The following CCSER1 variants were observed in gnomAD, a reference collection of about 807,000 sequenced individuals.
CCSER1 encodes the protein serine-rich coiled-coil domain-containing protein 1.
A neutral mutation model predicts 82.0 loss-of-function variants in CCSER1; 41 were observed. The ratio of observed to expected loss-of-function variants is 0.50; its 90% CI spans 0.39 to 0.65. The LOEUF (loss-of-function observed/expected upper bound fraction) is 0.65, where lower values mean the gene tolerates loss of function less well. CCSER1 is among the 30% of genes least tolerant of loss of function. The pLI, the probability that CCSER1 is intolerant of heterozygous loss-of-function variation, is 0.00. For synonymous variants in CCSER1, 414 were observed against 383.9 expected (o/e 1.08, Z -0.92); for missense variants, 1,119 against 1,064.2 (o/e 1.05, Z -0.72).
intron 1 of CCSER1, among the ~76,000 whole-genome samples, chr4:90,151,977 C>T (rs968012077): frequency 3.3e-5 from 5 of 152,070 alleles, no homozygotes; most frequent in Non-Finnish European, 7.4e-5. Flanking sequence ...AGATTATCTC[C>T]AGCTCTATTA....
chr4:90,644,523 A>G (rs1727141246), intron 6 of CCSER1, among the ~76,000 whole-genome samples: 1 of 152,018 alleles, frequency 6.6e-6, no homozygotes, highest in South Asian at 2.1e-4. Context: ...GGTTTGTTAC[A>G]TAGATAAACG....
intron 10 of CCSER1, among the ~76,000 whole-genome samples, chr4:91,524,930 A>G (rs1222991229): frequency 6.6e-6 from 1 of 152,138 alleles, no homozygotes; most frequent in Non-Finnish European, 1.5e-5. Flanking sequence ...GTGTTTCTTG[A>G]CAGAATACAT....
At chr4:90,924,804 G>A (rs1408325542) in intron 9 of CCSER1, among the ~76,000 whole-genome samples, 2 of 152,090 alleles carry the variant, frequency 1.3e-5, no homozygotes, top group Non-Finnish European at 2.9e-5. Flanking sequence ...TCGGCTCACT[G>A]CAACCTCCGC....
intron 9 of CCSER1, among the ~76,000 whole-genome samples, chr4:90,974,860 A>G (rs1188831623): frequency 1.3e-5 from 2 of 151,446 alleles, no homozygotes; most frequent in African/African-American, 2.4e-5. Flanking sequence ...CCAGTTCCAC[A>G]CTTCAGTGTA....
At chr4:91,203,686 G>A (rs964644866) in intron 10 of CCSER1, among the ~76,000 whole-genome samples, 1 of 151,724 alleles carries the variant, frequency 6.6e-6, no homozygotes, top group African/African-American at 2.4e-5. Context: ...CAAGTTTCTG[G>A]GTGGAAGAGT....
chr4:91,459,868 C>A (rs773623706), intron 10 of CCSER1, among the ~76,000 whole-genome samples: 30 of 152,070 alleles, frequency 2.0e-4, no homozygotes, highest in Admixed American at 1.3e-4. Flanking sequence ...TTATTTTACA[C>A]CTGAATATAA....
intron 9 of CCSER1, among the ~76,000 whole-genome samples, chr4:91,006,042 C>T (rs941709946): frequency 6.6e-6 from 1 of 152,108 alleles, no homozygotes; most frequent in Non-Finnish European, 1.5e-5. Flanking sequence ...CTCATGATTG[C>T]GTTGACTACT....
intron 8 of CCSER1, among the ~76,000 whole-genome samples, chr4:90,898,811 G>A (rs979514840): frequency 1.3e-5 from 2 of 151,576 alleles, no homozygotes; most frequent in Admixed American, 1.3e-4. Context: ...CTATGTGTCT[G>A]TTTATGTATT....
intron 3 of CCSER1, among the ~76,000 whole-genome samples, chr4:90,386,934 A>G (rs1750152911): frequency 6.6e-6 from 1 of 152,164 alleles, no homozygotes; most frequent in African/African-American, 2.4e-5. Flanking sequence ...AGTAGCTGAA[A>G]TGATCTGTTC....
At chr4:91,230,393 T>A (rs949509922) in intron 10 of CCSER1, among the ~76,000 whole-genome samples, 1 of 151,982 alleles carries the variant, frequency 6.6e-6, no homozygotes, top group African/African-American at 2.4e-5. Flanking sequence ...AGATAAAATA[T>A]AAGGGTTGAT....
At chr4:90,738,606 C>T (rs1213002117) in intron 7 of CCSER1, among the ~76,000 whole-genome samples, 2 of 152,102 alleles carry the variant, frequency 1.3e-5, no homozygotes, top group Non-Finnish European at 2.9e-5. Context: ...CCACTGTGAC[C>T]TCCCAAGGCC....
chr4:90,939,046 C>G (rs1295498508), intron 9 of CCSER1, among the ~76,000 whole-genome samples: 2 of 152,096 alleles, frequency 1.3e-5, no homozygotes, highest in Non-Finnish European at 2.9e-5. Context: ...TTTTTGTTCA[C>G]TCTTCTCATC....
At chr4:91,335,012 T>TA (rs145706505) in intron 10 of CCSER1, among the ~76,000 whole-genome samples, 8,732 of 152,200 alleles carry the variant, frequency 0.057, 311 homozygotes, top group South Asian at 0.11. Flanking sequence ...ATGTTTTTTT[T>TA]AATTAAAAGA....
intron 10 of CCSER1, among the ~76,000 whole-genome samples, chr4:91,301,756 C>G (rs1030806117): frequency 6.6e-6 from 1 of 151,768 alleles, no homozygotes; most frequent in South Asian, 2.1e-4. Flanking sequence ...AGGTTTAGAT[C>G]GTAGCACATC....
At chr4:91,065,440 G>A (rs951988623) in intron 9 of CCSER1, among the ~76,000 whole-genome samples, 1 of 151,908 alleles carries the variant, frequency 6.6e-6, no homozygotes, top group South Asian at 2.1e-4. Context: ...AATTATTTTT[G>A]ATATTCGATA....
chr4:90,854,325 T>G (rs1212627756), intron 8 of CCSER1, among the ~76,000 whole-genome samples: 1 of 152,214 alleles, frequency 6.6e-6, no homozygotes, highest in African/African-American at 2.4e-5. Flanking sequence ...ACAGTATCCA[T>G]GCTGGAATTA....
At chr4:91,424,765 C>A (rs1171752475) in intron 10 of CCSER1, among the ~76,000 whole-genome samples, 1 of 151,888 alleles carries the variant, frequency 6.6e-6, no homozygotes, top group African/African-American at 2.4e-5. Flanking sequence ...GTAAAATATG[C>A]CTTATTTTTA....
chr4:90,388,712 T>C (rs899162705), intron 3 of CCSER1, among the ~76,000 whole-genome samples: 1 of 152,204 alleles, frequency 6.6e-6, no homozygotes, highest in African/African-American at 2.4e-5. Flanking sequence ...CTTGGCTCAC[T>C]GCAACCTCCA....
intron 10 of CCSER1, among the ~76,000 whole-genome samples, chr4:91,401,762 G>T (rs941935061): frequency 2.6e-5 from 4 of 152,100 alleles, no homozygotes; most frequent in African/African-American, 9.7e-5. Flanking sequence ...GTATTCCATG[G>T]TGTATATGTG....
Sources: allele counts gnomAD v4.1 joint callset (sites outside exome capture counted in the v4.1 genomes callset), GRCh38; gene constraint gnomAD v4.1.1; transcripts MANE v1.5; gene names NCBI Gene and HGNC (gene_info 2026-07-23, HGNC 2026-07-21).